The following FILIP1L variants were observed in gnomAD, a reference collection of about 807,000 sequenced individuals.
FILIP1L encodes filamin A interacting protein 1 like.
Under a neutral mutation model 96.6 loss-of-function variants are expected in FILIP1L, and 55 were observed. The observed-to-expected ratio is 0.57, with a 90% CI of 0.46 to 0.71. The LOEUF (loss-of-function observed/expected upper bound fraction) is 0.71. Ranked by LOEUF, FILIP1L falls within the 30% of genes least tolerant of loss-of-function variation. FILIP1L has a pLI of 0.00. For synonymous variants in FILIP1L, 467 were observed against 473.9 expected (o/e 0.99, Z 0.19); for missense variants, 1,304 against 1,321.2 (o/e 0.99, Z 0.20).
chr3:99,879,679 G>A lies in FILIP1L; in HGVS notation c.606-28609C>T, dbSNP rs546322921. Among the ~76,000 whole-genome samples the A allele has an allele frequency of 9.2e-5, 14 of 152,322 alleles. No individual in the cohort carries two copies. In the South Asian group the frequency reaches 2.7e-3, roughly 29 times the overall value. On this transcript the variant is annotated intron_variant, in intron 4 of 5. Coordinates refer to ENST00000477258, the MANE Select transcript of FILIP1L (RefSeq NM_001387850.1). ...GTCATTTAAGCAGTTGGTACGCTCTGCTCCCTAGGAGCTCTGCTTTGAGCT... is the reference window on the plus strand; with the variant it reads ...GTCATTTAAGCAGTTGGTACGCTCTACTCCCTAGGAGCTCTGCTTTGAGCT...
intron 4 of FILIP1L, among the ~76,000 whole-genome samples, chr3:99,857,716 T>C (rs907657141): frequency 1.3e-5 from 2 of 152,246 alleles, no homozygotes; most frequent in African/African-American, 4.8e-5. Flanking sequence ...AAGCCATTAA[T>C]GGTACTGTAT....
intron 1 of FILIP1L, among the ~76,000 whole-genome samples, chr3:100,036,572 G>A (rs1274290941): frequency 6.6e-6 from 1 of 152,170 alleles, no homozygotes; most frequent in Non-Finnish European, 1.5e-5. Context: ...ACAGTAGAAT[G>A]CCTACTAATA....
intron 3 of FILIP1L, among the ~76,000 whole-genome samples, chr3:99,924,668 G>T (rs889153302): frequency 2.0e-5 from 3 of 152,098 alleles, no homozygotes; most frequent in African/African-American, 7.2e-5. Flanking sequence ...ACAGGCATGC[G>T]CCACCATGCC....
rs146199225 is a variant in FILIP1L, at chr3:99,856,945, T to C, written c.606-5875A>G. 6.7e-3 allele frequency among the ~76,000 whole-genome samples: 1,025 copies of C among 152,312 alleles called. 3 individuals carry two copies. The highest frequency in any genetic ancestry group is 8.5e-3 in the African/African-American group (354 of 41,566). ...TAACTTATATTATAATTCTTACCGC[T>C]TTTGATTTTATCTTATTTTTTGTAC... On this transcript the variant is annotated intron_variant, in intron 4 of 5. Coordinates refer to ENST00000477258, the MANE Select transcript of FILIP1L (RefSeq NM_001387850.1).
At chr3:99,920,026 C>G (rs1400987781) in intron 4 of FILIP1L, among the ~76,000 whole-genome samples, 1 of 152,198 alleles carries the variant, frequency 6.6e-6, no homozygotes, top group Non-Finnish European at 1.5e-5. Flanking sequence ...TTCTGATTTA[C>G]AAAACTGAAC....
intron 1 of FILIP1L, among the ~76,000 whole-genome samples, chr3:99,966,000 C>T (rs775560453): frequency 2.0e-4 from 30 of 152,272 alleles, no homozygotes; most frequent in Non-Finnish European, 3.7e-4. Flanking sequence ...TCATTTGCTG[C>T]CTCTGGGTCT....
intron 5 of FILIP1L, among the ~76,000 whole-genome samples, chr3:99,844,442 C>T (rs568402646): frequency 2.0e-5 from 3 of 152,236 alleles, no homozygotes; most frequent in African/African-American, 7.2e-5. Context: ...ATCTTAATAA[C>T]AGAAACCAGG....
chr3:100,002,044 A>C (rs919163613), intron 1 of FILIP1L, among the ~76,000 whole-genome samples: 2 of 152,142 alleles, frequency 1.3e-5, no homozygotes, highest in Non-Finnish European at 2.9e-5. Flanking sequence ...TCTGCTGGTG[A>C]TGCGTGTGTG....
chr3:99,849,780 C>A lies in FILIP1L; in HGVS notation c.1896G>T (p.Val632=), dbSNP rs747990242. ...CCTTTAGCTTCAGTTTCAGTCTTTC[C>A]ACTTCTTGAGAGAGCTCCTTAATCT... is the stretch of plus-strand genomic sequence containing the variant. The part of the protein sequence containing the change: ...NNKIKELSQE[V]ERLKLKLKDM... The change falls in exon 5 of 6, where the codon GTG becomes GTT. Residue 632 remains valine, a synonymous_variant. Coordinates refer to ENST00000477258, the MANE Select transcript of FILIP1L (RefSeq NM_001387850.1). 6.2e-7 allele frequency: 1 copy of A among 1,613,536 alleles called. No homozygotes were observed. Among genetic ancestry groups the A allele is most frequent in the South Asian group, 1.1e-5 (1 of 91,058 alleles).
At chr3:99,944,432 C>G (rs1054346818) in intron 1 of FILIP1L, among the ~76,000 whole-genome samples, 2 of 152,218 alleles carry the variant, frequency 1.3e-5, no homozygotes, top group Non-Finnish European at 2.9e-5. Context: ...ACGTCTGTCT[C>G]TCCACCAAGC....
At chr3:99,886,432 A>C (rs1286614599) in intron 4 of FILIP1L, among the ~76,000 whole-genome samples, 1 of 152,148 alleles carries the variant, frequency 6.6e-6, no homozygotes, top group Non-Finnish European at 1.5e-5. Context: ...AAATCGGAAA[A>C]AAAAAATCTC....
At chr3:99,834,441 C>T (rs1942813338) in intron 5 of FILIP1L, among the ~76,000 whole-genome samples, 1 of 152,164 alleles carries the variant, frequency 6.6e-6, no homozygotes, top group Admixed American at 6.5e-5. Context: ...GGAAATTATA[C>T]AGTCAGCAGT....
chr3:100,062,093 C>CTTTTTTTTTTTTTTTTTTTTTTTTTTT lies in FILIP1L; in HGVS notation c.-11+51933_-11+51959dup. Among the ~76,000 whole-genome samples the CTTTTTTTTTTTTTTTTTTTTTTTTTTT allele has an allele frequency of 3.8e-5, 2 of 53,154 alleles. 1 individual carries two copies. The highest frequency in any genetic ancestry group is 6.8e-5 in the Non-Finnish European group (2 of 29,474). The allele number at this position is 53,154 out of a possible 152,430, so 34.9% of individuals were successfully genotyped here. On this transcript the variant is annotated intron_variant, in intron 1 of 5. Coordinates refer to ENST00000477258, the MANE Select transcript of FILIP1L (RefSeq NM_001387850.1). Reference sequence around the variant, plus strand: ...CCACTTGTGGTTATCCTGTCTTCTTCTTTTTTTTTTTTTTTTTTTTTTTTT... The same window carrying CTTTTTTTTTTTTTTTTTTTTTTTTTTT: ...CCACTTGTGGTTATCCTGTCTTCTTCTTTTTTTTTTTTTTTTTTTTTTTTTTTTTTTTTTTTTTTTTTTTTTTTTTTT...
At chr3:99,962,512 T>C (rs1480090623) in intron 1 of FILIP1L, among the ~76,000 whole-genome samples, 1 of 152,230 alleles carries the variant, frequency 6.6e-6, no homozygotes, top group African/African-American at 2.4e-5. Flanking sequence ...AGCATGACCA[T>C]TTCTCCAGCA....
intron 1 of FILIP1L, among the ~76,000 whole-genome samples, chr3:99,995,787 A>G (rs1049243972): frequency 2.6e-5 from 4 of 152,214 alleles, no homozygotes; most frequent in African/African-American, 9.6e-5. Flanking sequence ...CCACAGCTCA[A>G]GGTCTGCGTT....
At chr3:99,940,806 A>G (rs1401522025) in intron 1 of FILIP1L, among the ~76,000 whole-genome samples, 1 of 152,262 alleles carries the variant, frequency 6.6e-6, no homozygotes. Flanking sequence ...CAGCCTAATA[A>G]GGACCTTGAG....
At chr3:99,936,326 T>G (rs1267116394) in intron 1 of FILIP1L, among the ~76,000 whole-genome samples, 1 of 150,238 alleles carries the variant, frequency 6.7e-6, no homozygotes, top group African/African-American at 2.4e-5. Context: ...CTTCCTTTGA[T>G]TAACTCATTT....
intron 4 of FILIP1L, among the ~76,000 whole-genome samples, chr3:99,876,758 G>C (rs1007559803): frequency 2.6e-5 from 4 of 152,110 alleles, no homozygotes; most frequent in African/African-American, 9.7e-5. Context: ...GGAAAGGCCA[G>C]ATGAAATCTT....
intron 1 of FILIP1L, among the ~76,000 whole-genome samples, chr3:100,027,047 C>T (rs958054136): frequency 4.6e-5 from 7 of 152,102 alleles, no homozygotes; most frequent in African/African-American, 1.2e-4. Context: ...GGTATCTCTA[C>T]GGCCCATTCA....
Sources: allele counts gnomAD v4.1 joint callset (sites outside exome capture counted in the v4.1 genomes callset), GRCh38; gene constraint gnomAD v4.1.1; transcripts MANE v1.5; gene names NCBI Gene and HGNC (gene_info 2026-07-23, HGNC 2026-07-21).